LNX2: variants seen among roughly 807,000 people sequenced by gnomAD.
LNX2 encodes ligand of Numb protein X 2.
A neutral mutation model predicts 66.2 loss-of-function variants in LNX2; 35 were observed. That is an observed-to-expected ratio of 0.53 (90% CI 0.40 to 0.70). The LOEUF is 0.70. LNX2 is among the 30% of genes least tolerant of loss of function. The pLI is 0.00. For missense variants in LNX2, 791 were observed against 850.8 expected, an observed-to-expected ratio of 0.93 and a Z score of 0.87; for synonymous variants, 337 against 315.6, an observed-to-expected ratio of 1.07 and a Z score of -0.72.
intron 8 of LNX2, among the ~76,000 whole-genome samples, 199 bp from the exon 9 acceptor site, chr13:27,550,690 TCA>T (rs796123016): frequency 1.7e-4 from 26 of 152,226 alleles, no homozygotes; most frequent in African/African-American, 6.3e-4. Context: ...CCAACTTTTT[TCA>T]GTCTTCCCAA....
At chr13:27,608,797 T>TTTTGTTTTGTTTTGTTTTG (rs1955744162) in intron 1 of LNX2, among the ~76,000 whole-genome samples, 1 of 150,860 alleles carries the variant, frequency 6.6e-6, no homozygotes, top group South Asian at 2.1e-4. Context: ...TTCTTTGAGT[T>TTTTGTTTTGTTTTGTTTTG]TTTTGTTTTG....
intron 1 of LNX2, among the ~76,000 whole-genome samples, chr13:27,592,022 T>G (rs1199870255): frequency 6.6e-6 from 1 of 152,216 alleles, no homozygotes; most frequent in Admixed American, 6.5e-5. Context: ...CAATGAACAG[T>G]AAGGAGGCCA....
At position 27,567,800 on chromosome 13, in the gene LNX2, G is replaced by C; in HGVS notation, c.695C>G (p.Thr232Ser). 6.2e-7 allele frequency: 1 copy of C among 1,614,026 alleles called. No homozygotes were observed. Among genetic ancestry groups the C allele is most frequent in the Non-Finnish European group, 8.5e-7 (1 of 1,179,988 alleles). ...ATTGGACCGATGAATTTCAATCGTGGTGATTTCTCCTTCTGGTAAACTAAG... is the reference window on the plus strand; with the variant it reads ...ATTGGACCGATGAATTTCAATCGTGCTGATTTCTCCTTCTGGTAAACTAAG... ...QPLSLPEGEI[T>S]TIEIHRSNPY... is the part of the protein sequence containing the mutation. Residue 232 changes from threonine (T) to serine (S), a missense_variant, in exon 4 of 10, where the codon ACC (threonine) becomes AGC (serine). By Grantham distance (58) the Thr-to-Ser change is moderately conservative. Coordinates refer to ENST00000316334, the MANE Select transcript of LNX2 (RefSeq NM_153371.4).
intron 1 of LNX2, among the ~76,000 whole-genome samples, chr13:27,613,820 C>G (rs1955799012): frequency 6.6e-6 from 1 of 152,122 alleles, no homozygotes; most frequent in South Asian, 2.1e-4. Flanking sequence ...GGTCACCCGG[C>G]TGCAAATGAT....
At chr13:27,612,501 C>G (rs1052896438) in intron 1 of LNX2, among the ~76,000 whole-genome samples, 7 of 152,252 alleles carry the variant, frequency 4.6e-5, no homozygotes, top group Non-Finnish European at 5.9e-5. Flanking sequence ...CCCAAACACC[C>G]TATGCCAGCA....
At position 27,550,425 on chromosome 13, in the gene LNX2, G is replaced by A. The variant is rs146472169; in HGVS notation, c.1845C>T (p.Ile615=). The change falls in exon 9 of 10, where the codon ATC becomes ATT. Residue 615 remains isoleucine, a synonymous_variant. Transcript: ENST00000316334. ...TGTGGTTCTCTTCATATCCACCAACGATACTAAAGCCCCAACTTCCCAAGT... is the reference window on the plus strand; with the variant it reads ...TGTGGTTCTCTTCATATCCACCAACAATACTAAAGCCCCAACTTCCCAAGT... ...RSYLGSWGFS[I]VGGYEENHTN... is the part of the protein sequence containing the mutation. 11 of 1,613,674 alleles carry A rather than the reference G, an allele frequency of 6.8e-6. No homozygotes were observed. The highest frequency in any genetic ancestry group is 4.0e-5 in the African/African-American group (3 of 74,894).
chr13:27,581,180 G>T, intron 2 of LNX2, 117 bp downstream of exon 2: 1 of 672,584 alleles, frequency 1.5e-6, no homozygotes, highest in Non-Finnish European at 2.3e-6. Context: ...TTCTGTACTT[G>T]ATTCACCCAT....
At chr13:27,570,181 G>GA (rs1326371949) in intron 2 of LNX2, among the ~76,000 whole-genome samples, 25 of 152,230 alleles carry the variant, frequency 1.6e-4, no homozygotes, top group African/African-American at 5.1e-4. Context: ...ATTAGTGAAG[G>GA]AAAGTTGGAC....
intron 1 of LNX2, among the ~76,000 whole-genome samples, chr13:27,599,809 G>A (rs541704490): frequency 1.3e-5 from 2 of 152,144 alleles, no homozygotes; most frequent in African/African-American, 4.8e-5. Context: ...TTACACTTTG[G>A]ATCTCAAACT....
intron 6 of LNX2, 63 bp downstream of exon 6, chr13:27,559,779 A>C: frequency 9.8e-6 from 14 of 1,421,350 alleles, no homozygotes; most frequent in Admixed American, 2.4e-5. Flanking sequence ...CCTTCATTTA[A>C]ATCTTACCAG....
chr13:27,577,681 T>C (rs1955354330), intron 2 of LNX2, among the ~76,000 whole-genome samples: 2 of 152,244 alleles, frequency 1.3e-5, no homozygotes, highest in South Asian at 4.1e-4. Flanking sequence ...TCTTTAAAGG[T>C]TTTCTATTGT....
chr13:27,578,330 T>C (rs7986743), intron 2 of LNX2, among the ~76,000 whole-genome samples: 87,396 of 152,060 alleles, frequency 0.57, 25,663 homozygotes, highest in African/African-American at 0.69. Flanking sequence ...TGCTAAAATC[T>C]TATGAATTTC....
At chr13:27,610,087 A>G (rs1014675299) in intron 1 of LNX2, among the ~76,000 whole-genome samples, 1 of 152,224 alleles carries the variant, frequency 6.6e-6, no homozygotes, top group Non-Finnish European at 1.5e-5. Flanking sequence ...GACACTTGAA[A>G]TCTATTAAAT....
chr13:27,597,397 C>T (rs1358824598), intron 1 of LNX2, among the ~76,000 whole-genome samples: 1 of 152,074 alleles, frequency 6.6e-6, no homozygotes, highest in African/African-American at 2.4e-5. Context: ...GGCTCAGAAA[C>T]AATACGAGGA....
intron 1 of LNX2, among the ~76,000 whole-genome samples, chr13:27,605,362 A>C (rs946898298): frequency 6.6e-6 from 1 of 152,304 alleles, no homozygotes; most frequent in Middle Eastern, 3.4e-3. Context: ...AAACAATTCC[A>C]CTGAGTTTCT....
chr13:27,560,415 C>A (rs1429358477), intron 5 of LNX2, among the ~76,000 whole-genome samples: 3 of 151,882 alleles, frequency 2.0e-5, no homozygotes, highest in African/African-American at 7.3e-5. Flanking sequence ...AATAAATTTC[C>A]ATGGTGGCTA....
intron 9 of LNX2, among the ~76,000 whole-genome samples, chr13:27,548,794 G>T (rs1051270986): frequency 3.9e-5 from 6 of 151,940 alleles, no homozygotes; most frequent in Non-Finnish European, 7.4e-5. Context: ...ATTTGAAGGG[G>T]GTTATTATTT....
intron 2 of LNX2, among the ~76,000 whole-genome samples, chr13:27,575,737 C>T (rs1176358411): frequency 1.3e-5 from 2 of 152,128 alleles, no homozygotes; most frequent in Non-Finnish European, 2.9e-5. Flanking sequence ...TATTTCCTTA[C>T]AGATCCCTGA....
At chr13:27,573,143 C>A (rs751089474) in intron 2 of LNX2, among the ~76,000 whole-genome samples, 3 of 151,972 alleles carry the variant, frequency 2.0e-5, no homozygotes, top group Non-Finnish European at 4.4e-5. Flanking sequence ...TTGAGTTTAC[C>A]CTATTTCCAT....
Sources: allele counts gnomAD v4.1 joint callset (sites outside exome capture counted in the v4.1 genomes callset), GRCh38; gene constraint gnomAD v4.1.1; transcripts MANE v1.5; gene names NCBI Gene and HGNC (gene_info 2026-07-23, HGNC 2026-07-21).